The following C16orf87 variants were observed in gnomAD, a reference collection of about 807,000 sequenced individuals.
C16orf87 encodes HDAC and MIER1 interacting protein 1.
A neutral mutation model predicts 21.0 loss-of-function variants in C16orf87; 13 were observed. The observed-to-expected ratio is 0.62, with a 90% CI of 0.40 to 0.98. The LOEUF (loss-of-function observed/expected upper bound fraction) is 0.98. Ranked by LOEUF, C16orf87 falls within the 50% of genes least tolerant of loss-of-function variation. The pLI, the probability that C16orf87 is intolerant of heterozygous loss-of-function variation, is 0.00. For missense variants in C16orf87, 113 were observed against 180.4 expected, an observed-to-expected ratio of 0.63 and a Z score of 2.14; for synonymous variants, 49 against 60.2, an observed-to-expected ratio of 0.81 and a Z score of 0.86.
Position 46,800,988 on chromosome 16 carries a change from CTGTAAT to C in C16orf87, c.*1958_*1963del, listed in dbSNP as rs1474035987. 6.6e-6 allele frequency: 1 copy of C among 152,148 alleles called. No homozygotes were observed. The highest frequency in any genetic ancestry group is 1.5e-5 in the Non-Finnish European group (1 of 68,012). 9.4% of individuals were successfully genotyped at this position (152,148 alleles called of 1,614,324 possible). ...CAATGAATATTTTAACATGACTTTC[CTGTAAT>C]GGTCTTCAGCTTTAAATGGATAGAC... On this transcript the variant is annotated 3_prime_UTR_variant, in exon 4 of 4. Coordinates refer to ENST00000285697, the MANE Select transcript of C16orf87 (RefSeq NM_001001436.4).
intron 2 of C16orf87, among the ~76,000 whole-genome samples, chr16:46,812,284 T>C (rs1707353622): frequency 6.6e-6 from 1 of 152,166 alleles, no homozygotes; most frequent in African/African-American, 2.4e-5. Flanking sequence ...ATAGCACCCA[T>C]ATGCAATTTG....
At chr16:46,826,153 G>A (rs372866362) in intron 1 of C16orf87, among the ~76,000 whole-genome samples, 38 of 152,182 alleles carry the variant, frequency 2.5e-4, no homozygotes, top group African/African-American at 7.9e-4. Flanking sequence ...TGCAAAATAC[G>A]TAAATTTCCT....
chr16:46,805,576 AT>A (rs1967907658), intron 3 of C16orf87, among the ~76,000 whole-genome samples: 1 of 151,970 alleles, frequency 6.6e-6, no homozygotes, highest in South Asian at 2.1e-4. Flanking sequence ...TTTCCAAGTT[AT>A]TTTTTCTCTC....
At chr16:46,822,907 G>A (rs991715208) in intron 2 of C16orf87, among the ~76,000 whole-genome samples, 5 of 152,128 alleles carry the variant, frequency 3.3e-5, no homozygotes, top group Non-Finnish European at 7.3e-5. Context: ...GGTTTACAAA[G>A]CCCTATACAA....
At chr16:46,830,594 CG>C (rs982503070) in intron 1 of C16orf87, 2 of 154,124 alleles carry the variant, frequency 1.3e-5, no homozygotes, top group Non-Finnish European at 2.9e-5. Context: ...CTCAGGCGCC[CG>C]CCCCGGTCGC....
At position 46,831,135 on chromosome 16, in the gene C16orf87, T is replaced by C; in HGVS notation, c.15A>G (p.Arg5=). 6.3e-7 allele frequency: 1 copy of C among 1,578,478 alleles called. No individual in the cohort carries two copies. The highest frequency in any genetic ancestry group is 8.6e-7 in the Non-Finnish European group (1 of 1,160,638). MSAT[R]AKKVKMATKS... ...TGGTGGCCATCTTCACTTTCTTGGCTCGAGTTGCAGACATGCTCCTCTCCC... is the reference window on the plus strand; with the variant it reads ...TGGTGGCCATCTTCACTTTCTTGGCCCGAGTTGCAGACATGCTCCTCTCCC... Residue 5 remains arginine (R), a synonymous_variant, in exon 1 of 4, where the codon CGA becomes CGG. Coordinates refer to ENST00000285697, the MANE Select transcript of C16orf87 (RefSeq NM_001001436.4).
chr16:46,813,743 G>A lies in C16orf87; in HGVS notation c.164-3958C>T, dbSNP rs566643202. On this transcript the variant is annotated intron_variant, in intron 2 of 3. Transcript: ENST00000285697. ...CTTCTGCCTAGAGCTCTCTTCCCAC[G>A]GCTCTTCATAAGATAAGCCTTTTTT... Among the ~76,000 whole-genome samples, 161 of 152,152 alleles carry A rather than the reference G, an allele frequency of 1.1e-3. No homozygotes were observed. The Middle Eastern group carries it at 0.031, about 29-fold the overall frequency.
chr16:46,813,274 C>G lies in C16orf87; in HGVS notation c.164-3489G>C, dbSNP rs182552378. On this transcript the variant is annotated intron_variant, in intron 2 of 3. Transcript: ENST00000285697. ...TCTCCCAAATCTGTTACTCCTACTACTTTCATCATATTAGTAAATAGCATC... is the reference window on the plus strand; with the variant it reads ...TCTCCCAAATCTGTTACTCCTACTAGTTTCATCATATTAGTAAATAGCATC... Among the ~76,000 whole-genome samples the G allele has an allele frequency of 5.3e-5, 8 of 152,222 alleles. No individual in the cohort carries two copies. In the East Asian group the frequency reaches 1.5e-3, roughly 29 times the overall value.
chr16:46,813,891 T>C (rs1050986241), intron 2 of C16orf87, among the ~76,000 whole-genome samples: 1 of 152,208 alleles, frequency 6.6e-6, no homozygotes, highest in African/African-American at 2.4e-5. Context: ...GTCTCCTCCA[T>C]CAAAATATAG....
At chr16:46,826,868 C>T (rs1959641035) in intron 1 of C16orf87, among the ~76,000 whole-genome samples, 1 of 152,196 alleles carries the variant, frequency 6.6e-6, no homozygotes. Context: ...TACGCAAATG[C>T]ATGTTCTTAC....
chr16:46,828,347 A>C (rs1233478906), intron 1 of C16orf87, among the ~76,000 whole-genome samples: 1 of 152,190 alleles, frequency 6.6e-6, no homozygotes, highest in Non-Finnish European at 1.5e-5. Flanking sequence ...CATCACATAA[A>C]ATGTCCTTTA....
At position 46,801,084 on chromosome 16, in the gene C16orf87, C is replaced by T. The variant is rs575814260; in HGVS notation, c.*1868G>A. 1.3e-5 allele frequency: 2 copies of T among 152,246 alleles called. No individual in the cohort carries two copies. The highest frequency in any genetic ancestry group is 4.8e-5 in the African/African-American group (2 of 41,532). The allele number at this position is 152,246 out of a possible 1,614,324, so 9.4% of individuals were successfully genotyped here. A position where few individuals can be genotyped will look rare whatever the true frequency, so the allele number is the denominator to read the frequency against. ...AAGCTGTTCTTGCTTTTTCTGAGGA[C>T]ATATATATGTATACAAGCATTTTTA... On this transcript the variant is annotated 3_prime_UTR_variant, in exon 4 of 4. Transcript: ENST00000285697.
intron 1 of C16orf87, among the ~76,000 whole-genome samples, chr16:46,830,254 T>TAGAGACAGAC (rs1959788423): frequency 3.8e-5 from 2 of 52,044 alleles, no homozygotes; most frequent in Non-Finnish European, 8.7e-5. Flanking sequence ...GATAGAGAGA[T>TAGAGACAGAC]AGAGAGAGAC....
At chr16:46,827,451 T>C (rs1222229386) in intron 1 of C16orf87, among the ~76,000 whole-genome samples, 2 of 152,224 alleles carry the variant, frequency 1.3e-5, no homozygotes, top group East Asian at 1.9e-4. Context: ...TATTACACTT[T>C]CAGGATTTTA....
At chr16:46,822,363 A>T (rs142193861) in intron 2 of C16orf87, among the ~76,000 whole-genome samples, 156 of 152,358 alleles carry the variant, frequency 1.0e-3, no homozygotes, top group African/African-American at 3.7e-3. Context: ...CATTTTTAGA[A>T]ACTCAGCACT....
chr16:46,812,005 A>G (rs1282994580), intron 2 of C16orf87, among the ~76,000 whole-genome samples: 2 of 152,034 alleles, frequency 1.3e-5, no homozygotes, highest in Non-Finnish European at 2.9e-5. Context: ...GCACCTTGGG[A>G]GGCCAAAGGG....
chr16:46,829,929 A>T (rs1372882909), intron 1 of C16orf87, among the ~76,000 whole-genome samples: 22 of 134,350 alleles, frequency 1.6e-4, no homozygotes, highest in East Asian at 1.6e-3. Context: ...CTCTTGATTT[A>T]AAAAAAAAAA....
At chr16:46,812,834 G>C (rs1367927947) in intron 2 of C16orf87, among the ~76,000 whole-genome samples, 1 of 152,082 alleles carries the variant, frequency 6.6e-6, no homozygotes, top group Non-Finnish European at 1.5e-5. Flanking sequence ...ACAAAAACCT[G>C]TTACCAAATC....
intron 2 of C16orf87, among the ~76,000 whole-genome samples, chr16:46,810,756 G>C (rs1596811430): frequency 6.6e-6 from 1 of 152,248 alleles, no homozygotes; most frequent in Non-Finnish European, 1.5e-5. Flanking sequence ...ACATATACCA[G>C]ATAATACAAG....
Sources: allele counts gnomAD v4.1 joint callset (sites outside exome capture counted in the v4.1 genomes callset), GRCh38; gene constraint gnomAD v4.1.1; transcripts MANE v1.5; gene names NCBI Gene and HGNC (gene_info 2026-07-23, HGNC 2026-07-21).